The following LRRC39 variants were observed in gnomAD, a reference collection of about 807,000 sequenced individuals.
LRRC39 encodes leucine rich repeat containing 39.
In LRRC39, 35 loss-of-function variants were observed where a neutral mutation model predicts 39.7. That is an observed-to-expected ratio of 0.88 (90% confidence interval 0.67 to 1.17). The LOEUF (loss-of-function observed/expected upper bound fraction) is 1.17, where lower values mean the gene tolerates loss of function less well. LRRC39 is among the 50% of genes most tolerant of loss of function. The pLI, the probability that LRRC39 is intolerant of heterozygous loss-of-function variation, is 0.00. For missense variants in LRRC39, 357 were observed against 385.8 expected, an observed-to-expected ratio of 0.93 and a Z score of 0.62; for synonymous variants, 113 against 134.1, an observed-to-expected ratio of 0.84 and a Z score of 1.09.
intron 9 of LRRC39, chr1:100,150,116 C>G (rs907044741): frequency 2.0e-5 from 3 of 152,262 alleles, no homozygotes; most frequent in Non-Finnish European, 4.4e-5. Flanking sequence ...TAATACCTAC[C>G]TCACAAGGTT....
chr1:100,179,602 T>C (rs1178615527), upstream of LRRC39, among the ~76,000 whole-genome samples: 3 of 147,476 alleles, frequency 2.0e-5, no homozygotes, highest in Non-Finnish European at 4.5e-5. Flanking sequence ...CCAGGTGTAG[T>C]GGTGTGTATA....
intron 2 of LRRC39, among the ~76,000 whole-genome samples, chr1:100,172,175 G>C (rs556385620): frequency 1.3e-5 from 2 of 152,292 alleles, no homozygotes; most frequent in South Asian, 4.1e-4. Context: ...CCAAGCATTT[G>C]AGGGGTAAAA....
At chr1:100,169,901 A>C (rs996075805) in intron 2 of LRRC39, among the ~76,000 whole-genome samples, 1 of 152,060 alleles carries the variant, frequency 6.6e-6, no homozygotes, top group South Asian at 2.1e-4. Flanking sequence ...GCCCATTTAT[A>C]CTCTTACTAC....
At chr1:100,168,351 G>T in intron 3 of LRRC39, 53 bp downstream of exon 3, 1 of 1,311,222 alleles carries the variant, frequency 7.6e-7, no homozygotes, top group Non-Finnish European at 1.1e-6. Context: ...TTTTTATGGT[G>T]ATGATAATAT....
At chr1:100,163,115 G>A (rs1430851928) in intron 3 of LRRC39, among the ~76,000 whole-genome samples, 1 of 152,046 alleles carries the variant, frequency 6.6e-6, no homozygotes, top group African/African-American at 2.4e-5. Context: ...CCATAGATGT[G>A]GGTAACTAAG....
chr1:100,149,300 T>C, intron 9 of LRRC39: 3 of 1,532,120 alleles, frequency 2.0e-6, no homozygotes, highest in Non-Finnish European at 2.6e-6. Flanking sequence ...ACAATTGTGA[T>C]TTTCTCAAAT....
intron 3 of LRRC39, among the ~76,000 whole-genome samples, chr1:100,161,000 A>G (rs1350420400): frequency 6.6e-6 from 1 of 152,114 alleles, no homozygotes; most frequent in Non-Finnish European, 1.5e-5. Context: ...ACAATAACTT[A>G]TTTTGCAAGA....
intron 3 of LRRC39, among the ~76,000 whole-genome samples, chr1:100,164,630 C>A (rs1659113024): frequency 6.6e-6 from 1 of 152,158 alleles, no homozygotes; most frequent in Admixed American, 6.5e-5. Flanking sequence ...ATCAGCTTCT[C>A]TGTCTCACTT....
At chr1:100,175,012 C>T (rs1425841347) in intron 1 of LRRC39, among the ~76,000 whole-genome samples, 2 of 150,432 alleles carry the variant, frequency 1.3e-5, no homozygotes, top group Non-Finnish European at 3.0e-5. Flanking sequence ...CCCTCTTTTG[C>T]TCCTGTTCTG....
chr1:100,158,212 G>A lies in LRRC39; in HGVS notation c.513+19C>T, dbSNP rs374561555. The A allele has an allele frequency of 3.7e-6, 6 of 1,610,090 alleles. No individual in the cohort carries two copies. In the African/African-American group the frequency reaches 6.7e-5, roughly 18 times the overall value. ...CTGCAGATGGAAAATACAATCATAG[G>A]CATTTATGTCTTTCTAACCTCTTGT... On this transcript the variant is annotated intron_variant, in intron 6 of 9. Transcript: ENST00000370137.
chr1:100,156,271 T>C lies in LRRC39; in HGVS notation c.560A>G (p.Asp187Gly), dbSNP rs780977405. ...CACAGCAAGAGGGATTGTAGTAAAA[T>C]CGTTCATACTCAGATCAAGGTGAGT... is the stretch of plus-strand genomic sequence containing the variant. ...KLTHLDLSMN[D>G]FTTIPLAVLN... is the part of the protein sequence containing the mutation. The change falls in exon 7 of 10, where the codon GAT becomes GGT. Residue 187 changes from aspartate (D) to glycine (G), a missense_variant. By Grantham distance (94) the Asp-to-Gly change is moderately conservative (BLOSUM62 -1). Coordinates refer to ENST00000370137, the MANE Select transcript of LRRC39 (RefSeq NM_144620.4). The C allele has an allele frequency of 6.2e-7, 1 of 1,613,652 alleles. No homozygotes were observed. Among genetic ancestry groups the C allele is most frequent in the Non-Finnish European group, 8.5e-7 (1 of 1,179,664 alleles).
rs1212312415 is a variant in LRRC39 at position 100,162,777 on chromosome 1, C to A, written c.114-2206G>T. Among the ~76,000 whole-genome samples the A allele has an allele frequency of 2.2e-4, 34 of 152,052 alleles. 1 individual carries two copies. The highest frequency in any genetic ancestry group is 1.0e-4 in the Non-Finnish European group (7 of 68,008). On this transcript the variant is annotated intron_variant, in intron 3 of 9. Coordinates refer to ENST00000370137, the MANE Select transcript of LRRC39 (RefSeq NM_144620.4). ...AAAATTTTAGGCTGTTAAAAGGATA[C>A]ATAATAAATATGAGCAGTCCTGAAA...
intron 9 of LRRC39, among the ~76,000 whole-genome samples, chr1:100,151,511 CT>C (rs1358471533): frequency 6.6e-6 from 1 of 152,124 alleles, no homozygotes; most frequent in Non-Finnish European, 1.5e-5. Flanking sequence ...CTGAAAAACT[CT>C]GTCATTGTCT....
chr1:100,152,385 C>T lies in LRRC39; in HGVS notation c.952G>A (p.Asp318Asn), dbSNP rs145972417. 4 of 1,613,268 alleles carry T rather than the reference C, an allele frequency of 2.5e-6. No homozygotes were observed. Among genetic ancestry groups the T allele is most frequent in the African/African-American group, 1.3e-5 (1 of 74,978 alleles). ...TYIQESRRRA[D>N]HQVNGSTTLP... is the part of the protein sequence containing the mutation. ...TCTGTGTTATATACAAATCTTATAC[C>T]TGCTCTTCTCCGTGACTCTTGTATG... is the stretch of plus-strand genomic sequence containing the variant. Residue 318 changes from aspartate to asparagine, a missense_variant and splice_region_variant, in exon 9 of 10, where the codon GAT becomes AAT. Physicochemically the swap from Asp to Asn is conservative, Grantham distance 23 (BLOSUM62 1). Coordinates refer to ENST00000370137, the MANE Select transcript of LRRC39 (RefSeq NM_144620.4).
In LRRC39 at chr1:100,168,482, T is replaced by G. The variant is rs774677966; in HGVS notation, c.35A>C (p.Asn12Thr). 6.2e-7 allele frequency: 1 copy of G among 1,612,812 alleles called. No individual in the cohort carries two copies. The highest frequency in any genetic ancestry group is 8.5e-7 in the Non-Finnish European group (1 of 1,179,606). ...TTTTTCCCAAACTTCCTTTACAGCA[T>G]TGACAGCCCCAGTACAAACCACATT... ...TENVVCTGAV[N>T]AVKEVWEKRI... The change falls in exon 3 of 10, where the codon AAT (asparagine) becomes ACT (threonine). Residue 12 changes from asparagine (N) to threonine (T), a missense_variant. By Grantham distance (65) the Asn-to-Thr change is moderately conservative. Transcript: ENST00000370137.
At chr1:100,167,012 A>G (rs1258161120) in intron 3 of LRRC39, among the ~76,000 whole-genome samples, 1 of 152,186 alleles carries the variant, frequency 6.6e-6, no homozygotes, top group Non-Finnish European at 1.5e-5. Flanking sequence ...AGCAGCATGA[A>G]AACAGACTAA....
chr1:100,171,753 C>T (rs1659627072), intron 2 of LRRC39, among the ~76,000 whole-genome samples: 1 of 151,256 alleles, frequency 6.6e-6, no homozygotes. Context: ...GATGCTCCCA[C>T]CTCAGCCTCC....
Position 100,152,416 on chromosome 1 carries a change from G to C in LRRC39, c.921C>G (p.His307Gln), listed in dbSNP as rs1488819056. ...ERELFGLQFM[H>Q]TYIQESRRRA... ...TTCTCCGTGACTCTTGTATGTATGT[G>C]TGCATAAACTGAAGGCCAAATAATT... The change falls in exon 9 of 10, where the codon CAC (histidine) becomes CAG (glutamine). Residue 307 changes from histidine (H) to glutamine (Q), a missense_variant. Transcript: ENST00000370137. 1 of 1,614,004 alleles carries C rather than the reference G, an allele frequency of 6.2e-7. No homozygotes were observed. Among genetic ancestry groups the C allele is most frequent in the Admixed American group, 1.7e-5 (1 of 60,012 alleles).
At chr1:100,151,305 TTCAA>T (rs2101759907) in intron 9 of LRRC39, among the ~76,000 whole-genome samples, 1 of 152,274 alleles carries the variant, frequency 6.6e-6, no homozygotes, top group Admixed American at 6.5e-5. Context: ...CTCATCTTCA[TTCAA>T]TTACCAATTC....
Sources: gnomAD v4.1 joint callset for allele counts (sites outside exome capture counted in the v4.1 genomes callset) on GRCh38, gnomAD v4.1.1 for gene constraint, MANE v1.5 for transcripts, NCBI Gene and HGNC (gene_info 2026-07-23, HGNC 2026-07-21) for gene names.